The following NTF3 variants were observed in gnomAD, a reference collection of about 807,000 sequenced individuals.
NTF3 encodes the protein neurotrophin-3.
In NTF3, 8 loss-of-function variants were observed where a neutral mutation model predicts 26.3. The observed-to-expected ratio is 0.30, with a 90% CI of 0.18 to 0.55. The LOEUF (loss-of-function observed/expected upper bound fraction) is 0.55. NTF3 is among the 20% of genes least tolerant of loss of function. The pLI, the probability that NTF3 is intolerant of heterozygous loss-of-function variation, is 0.93. For missense variants in NTF3, 276 were observed against 352.9 expected (o/e 0.78, Z 1.75); for synonymous variants, 154 against 145.5 (o/e 1.06, Z -0.42).
chr12:5,442,135 TC>T (rs1189652029), intron 1 of NTF3, among the ~76,000 whole-genome samples: 4 of 152,144 alleles, frequency 2.6e-5, no homozygotes, highest in African/African-American at 9.7e-5. Context: ...AAGGAGGCAG[TC>T]AGGTTACAAT....
At chr12:5,491,716 CTTT>C (rs5796156) in intron 1 of NTF3, among the ~76,000 whole-genome samples, 3 of 98,244 alleles carry the variant, frequency 3.1e-5, no homozygotes. Flanking sequence ...CTCTCCTCTT[CTTT>C]TTTTTTTTTT....
At chr12:5,463,692 G>A (rs1940551611) in intron 1 of NTF3, among the ~76,000 whole-genome samples, 1 of 152,178 alleles carries the variant, frequency 6.6e-6, no homozygotes, top group Non-Finnish European at 1.5e-5. Context: ...AGGTTTTAGA[G>A]GCAGAAGTCT....
At chr12:5,466,876 G>A (rs1384871231) in intron 1 of NTF3, among the ~76,000 whole-genome samples, 2 of 152,104 alleles carry the variant, frequency 1.3e-5, no homozygotes, top group African/African-American at 2.4e-5. Context: ...TGGGAGGGGT[G>A]AGGGAAGGGA....
At chr12:5,440,609 A>G (rs926960064) in intron 1 of NTF3, among the ~76,000 whole-genome samples, 1 of 152,204 alleles carries the variant, frequency 6.6e-6, no homozygotes, top group Non-Finnish European at 1.5e-5. Context: ...GGTGGGGAAG[A>G]AGCCCAGTCC....
chr12:5,481,547 A>G (rs966704016), intron 1 of NTF3, among the ~76,000 whole-genome samples: 1 of 12,938 alleles, frequency 7.7e-5, no homozygotes, highest in Non-Finnish European at 1.8e-4. Flanking sequence ...CACAGAATAC[A>G]TATATGCACA....
At chr12:5,435,436 A>G (rs1940154910) in intron 1 of NTF3, among the ~76,000 whole-genome samples, 1 of 152,222 alleles carries the variant, frequency 6.6e-6, no homozygotes, top group South Asian at 2.1e-4. Context: ...TTCAGTTTCT[A>G]GAGATGTTTA....
rs766722472 is a variant in NTF3, at chr12:5,494,390, A to G, written c.215A>G (p.Tyr72Cys). 1.2e-6 allele frequency: 2 copies of G among 1,613,972 alleles called. No individual in the cohort carries two copies. Among genetic ancestry groups the G allele is most frequent in the Non-Finnish European group, 1.7e-6 (2 of 1,180,002 alleles). ...CAGATGGTGGACGTTAAGGAAAATT[A>G]CCAGAGCACCCTGCCCAAAGCTGAG... ...SKQMVDVKEN[Y>C]QSTLPKAEAP... The change falls in exon 2 of 2, where the codon TAC becomes TGC. Residue 72 changes from tyrosine to cysteine, a missense_variant. By Grantham distance (194) the Tyr-to-Cys change is radical. Transcript: ENST00000423158. This position sits in a 1 kb window ranked among gnomAD's most constrained non-coding sequence, Gnocchi z 8.3.
chr12:5,432,455 A>C, intron 1 of NTF3, 113 bp downstream of exon 1: 1 of 1,163,152 alleles, frequency 8.6e-7, no homozygotes, highest in South Asian at 1.4e-5. Flanking sequence ...ATCCCGCCCC[A>C]CCCCCATCGC....
intron 1 of NTF3, among the ~76,000 whole-genome samples, chr12:5,481,453 GACACACACAGAA>G (rs1341298112): frequency 2.0e-3 from 3 of 1,520 alleles, no homozygotes; most frequent in Non-Finnish European, 3.9e-3. Context: ...ATGCAGCACA[GACACACACAGAA>G]TAACACCACA....
chr12:5,435,287 A>G (rs1215831151), intron 1 of NTF3, among the ~76,000 whole-genome samples: 1 of 152,230 alleles, frequency 6.6e-6, no homozygotes, highest in African/African-American at 2.4e-5. Context: ...TGCCTACTGG[A>G]TGCTCAGCCC....
rs1940450359 is a variant in NTF3 at position 5,456,467 on chromosome 12, A to G, written c.18+24125A>G. On this transcript the variant is annotated intron_variant, in intron 1 of 1. Coordinates refer to ENST00000423158, the MANE Select transcript of NTF3 (RefSeq NM_001102654.2). This position sits in a 1 kb window ranked among gnomAD's most constrained non-coding sequence, Gnocchi z 4.4. ...GAACCCAGCCAAGAGTACTTAATCC[A>G]TCCCCACTTGTGGGGCCAACGGCAC... Among the ~76,000 whole-genome samples, 1 of 152,098 alleles carries G rather than the reference A, an allele frequency of 6.6e-6. No homozygotes were observed. The highest frequency in any genetic ancestry group is 1.5e-5 in the Non-Finnish European group (1 of 68,024).
chr12:5,455,673 A>G (rs1940437039), intron 1 of NTF3, among the ~76,000 whole-genome samples: 2 of 152,046 alleles, frequency 1.3e-5, no homozygotes, highest in Admixed American at 6.5e-5. Flanking sequence ...ACAAAGTTCT[A>G]TTCCCTGTTT....
At chr12:5,493,402 A>G (rs1237039224) in intron 1 of NTF3, among the ~76,000 whole-genome samples, 2 of 152,248 alleles carry the variant, frequency 1.3e-5, no homozygotes, top group Non-Finnish European at 2.9e-5. Flanking sequence ...TGACTCTTCT[A>G]TTCTGGGCAA....
chr12:5,490,319 C>T (rs1174169025), intron 1 of NTF3, among the ~76,000 whole-genome samples: 1 of 152,184 alleles, frequency 6.6e-6, no homozygotes, highest in Non-Finnish European at 1.5e-5. Context: ...AAGTCCGCAG[C>T]GTGTCCAGCC....
chr12:5,454,594 C>A (rs529835463), intron 1 of NTF3, among the ~76,000 whole-genome samples: 1 of 152,296 alleles, frequency 6.6e-6, no homozygotes, highest in African/African-American at 2.4e-5. Flanking sequence ...GGTGAGGAGG[C>A]CTAGGGGCAG....
chr12:5,460,047 A>G (rs895290127), intron 1 of NTF3, among the ~76,000 whole-genome samples: 2 of 152,152 alleles, frequency 1.3e-5, no homozygotes, highest in Admixed American at 1.3e-4. Flanking sequence ...TTTTTAGAAC[A>G]GTTTTAAGTT....
At chr12:5,479,951 C>T (rs970351581) in intron 1 of NTF3, among the ~76,000 whole-genome samples, 1 of 152,154 alleles carries the variant, frequency 6.6e-6, no homozygotes, top group South Asian at 2.1e-4. Context: ...TTCAAGGAGG[C>T]CTCTATTTGA....
At chr12:5,491,717 T>C (rs1025750275) in intron 1 of NTF3, among the ~76,000 whole-genome samples, 4 of 19,100 alleles carry the variant, frequency 2.1e-4, no homozygotes, top group Middle Eastern at 0.042. Flanking sequence ...TCTCCTCTTC[T>C]TTTTTTTTTT....
At chr12:5,455,569 C>T (rs898423536) in intron 1 of NTF3, among the ~76,000 whole-genome samples, 1 of 146,884 alleles carries the variant, frequency 6.8e-6, no homozygotes, top group South Asian at 2.3e-4. Flanking sequence ...CACACACACA[C>T]ACACACACAC....
Sources: gnomAD v4.1 joint callset for allele counts (sites outside exome capture counted in the v4.1 genomes callset) on GRCh38, gnomAD v4.1.1 for gene constraint, Gnocchi (gnomAD v3.1) non-coding constraint, MANE v1.5 for transcripts, NCBI Gene and HGNC (gene_info 2026-07-23, HGNC 2026-07-21) for gene names.